Variants in ANKMY1 observed in about 807,000 individuals in gnomAD.
ANKMY1 encodes the protein ankyrin repeat and MYND domain containing 1.
ANKMY1 carries 98 observed loss-of-function variants against 102.0 expected under a neutral mutation model. The ratio of observed to expected loss-of-function variants is 0.96; its 90% CI spans 0.82 to 1.14. ANKMY1 has a LOEUF of 1.14. Among genes scored for constraint, ANKMY1 ranks in the 50% most tolerant of loss-of-function variants. The probability of loss-of-function intolerance (pLI) is 0.00; values close to 1 mark genes in which losing one functional copy is unlikely to be tolerated. For missense variants in ANKMY1, 1,330 were observed against 1,347.6 expected (o/e 0.99, Z 0.20); for synonymous variants, 582 against 559.9 (o/e 1.04, Z -0.56).
At position 240,557,809 on chromosome 2, in the gene ANKMY1, G is replaced by A. The variant is rs934346769; in HGVS notation, c.-18+72C>T. ...GGGACCGCGAGCCTGGCGCCCCCCC[G>A]CACCCGCCGCCCCACGGAGCTCCGG... On this transcript the variant is annotated intron_variant, in intron 1 of 17. Coordinates refer to ENST00000401804, the MANE Select transcript of ANKMY1 (RefSeq NM_001282771.3). 1.5e-5 allele frequency: 14 copies of A among 918,178 alleles called. No individual in the cohort carries two copies. The South Asian group carries it at 5.6e-4, about 36-fold the overall frequency. 56.9% of individuals were successfully genotyped at this position (918,178 alleles called of 1,614,324 possible).
chr2:240,524,311 T>C lies in ANKMY1; in HGVS notation c.1406A>G (p.Tyr469Cys). 6.2e-7 allele frequency: 1 copy of C among 1,613,720 alleles called. No homozygotes were observed. ...SFMDTNLESL[Y>C]YEVNVPSQGS... ...CTGGGAAGGCACGTTCACCTCATAG[T>C]ACAGAGACTCCAGGTTTGTGTCCAT... The change falls in exon 8 of 18, where the codon TAC becomes TGC. Residue 469 changes from tyrosine to cysteine, a missense_variant. Coordinates refer to ENST00000401804, the MANE Select transcript of ANKMY1 (RefSeq NM_001282771.3).
At position 240,499,860 on chromosome 2, in the gene ANKMY1, A is replaced by G; in HGVS notation, c.2806+98T>C. Reference sequence around the variant, plus strand: ...GCCCAGCCCCAGGAAGGCCCCTCCAAGAGCCCCAGGGGGTCCAGATCTCCA... The same window carrying G: ...GCCCAGCCCCAGGAAGGCCCCTCCAGGAGCCCCAGGGGGTCCAGATCTCCA... On this transcript the variant is annotated intron_variant, in intron 15 of 17. Transcript: ENST00000401804. The surrounding 1 kb of genome is among the most constrained non-coding windows in gnomAD (Gnocchi z 4.2). 5 of 1,424,542 alleles carry G rather than the reference A, an allele frequency of 3.5e-6. No homozygotes were observed. The South Asian group carries it at 6.0e-5, about 17-fold the overall frequency. The allele number at this position is 1,424,542 out of a possible 1,614,324, so 88.2% of individuals were successfully genotyped here.
At position 240,553,011 on chromosome 2, in the gene ANKMY1, G is replaced by A. The variant is rs1185804553; in HGVS notation, c.383C>T (p.Thr128Ile). The A allele has an allele frequency of 1.9e-6, 3 of 1,614,006 alleles. No individual in the cohort carries two copies. The highest frequency in any genetic ancestry group is 2.5e-6 in the Non-Finnish European group (3 of 1,179,992). ...ACTGGAGCCATCTGGCCACATGTAG[G>A]TACCCAGGCCATGGCAGTGGTCCCG... ...FYRDHCHGLG[T>I]YMWPDGSSFT... is the part of the protein sequence containing the mutation. Residue 128 changes from threonine (T) to isoleucine (I), a missense_variant, in exon 4 of 18, where the codon ACC (threonine) becomes ATC (isoleucine). By Grantham distance (89) the Thr-to-Ile change is moderately conservative. Coordinates refer to ENST00000401804, the MANE Select transcript of ANKMY1 (RefSeq NM_001282771.3).
intron 6 of ANKMY1, 74 bp from the exon 7 acceptor site, chr2:240,525,923 G>A: frequency 6.5e-7 from 1 of 1,545,476 alleles, no homozygotes; most frequent in Non-Finnish European, 8.8e-7. Context: ...TGGGTGTCCT[G>A]ATGCCCTCAT....
At chr2:240,498,774 C>T (rs1411630359) in intron 15 of ANKMY1, among the ~76,000 whole-genome samples, 1 of 152,004 alleles carries the variant, frequency 6.6e-6, no homozygotes, top group Admixed American at 6.5e-5. Context: ...TAGTGCCATC[C>T]CCTTGGGGAC....
chr2:240,555,302 C>G (rs932271129), intron 2 of ANKMY1: 2 of 535,070 alleles, frequency 3.7e-6, no homozygotes, highest in African/African-American at 1.9e-5. Flanking sequence ...TGCTGCCAGG[C>G]TCTAGAGGCA....
At chr2:240,511,662 G>A (rs892466139) in intron 11 of ANKMY1, among the ~76,000 whole-genome samples, 199 bp downstream of exon 11, 1 of 152,250 alleles carries the variant, frequency 6.6e-6, no homozygotes, top group African/African-American at 2.4e-5. Context: ...CAGGCCCCGT[G>A]CGCAGGCGTG....
rs1258300109 is a variant in ANKMY1, at chr2:240,501,206, G to A, written c.2527-641C>T. Among the ~76,000 whole-genome samples, 4 of 151,326 alleles carry A rather than the reference G, an allele frequency of 2.6e-5. No homozygotes were observed. In the East Asian group the frequency reaches 5.8e-4, roughly 22 times the overall value. ...GTGGGTAGGTGTGCAGTATGTGTGC[G>A]TGCATGCGTGTCTGTGCATGAGTGG... On this transcript the variant is annotated intron_variant, in intron 13 of 17. Coordinates refer to ENST00000401804, the MANE Select transcript of ANKMY1 (RefSeq NM_001282771.3).
At chr2:240,491,212 A>C (rs1232540212) in intron 15 of ANKMY1, among the ~76,000 whole-genome samples, 2 of 144,184 alleles carry the variant, frequency 1.4e-5, no homozygotes, top group Non-Finnish European at 3.0e-5. Context: ...TCATCCCTTT[A>C]TTTCAGTCTA....
the ANKMY1 span, among the ~76,000 whole-genome samples, chr2:240,473,123 T>TAAAAAA: frequency 5.5e-5 from 6 of 108,472 alleles, no homozygotes; most frequent in African/African-American, 2.4e-4. Context: ...AAACTCTGTC[T>TAAAAAA]AAAAAAAAAA....
intron 2 of ANKMY1, 182 bp from the exon 3 acceptor site, chr2:240,555,237 C>T (rs1464182054): frequency 3.1e-6 from 2 of 639,100 alleles, no homozygotes; most frequent in East Asian, 5.5e-5. Flanking sequence ...CAGCGATTGC[C>T]CAAGGCCACA....
intron 8 of ANKMY1, 75 bp downstream of exon 8, chr2:240,523,810 G>C: frequency 6.5e-7 from 1 of 1,547,376 alleles, no homozygotes; most frequent in Non-Finnish European, 8.7e-7. Context: ...ACAGGGAAGA[G>C]ACGTGGGTCT....
chr2:240,508,356 T>C (rs940337690), intron 12 of ANKMY1, among the ~76,000 whole-genome samples: 6 of 152,252 alleles, frequency 3.9e-5, no homozygotes, highest in African/African-American at 1.4e-4. Flanking sequence ...ACTTATTGAA[T>C]GGATGACTCC....
intron 15 of ANKMY1, among the ~76,000 whole-genome samples, chr2:240,489,996 C>T (rs1035727390): frequency 6.6e-6 from 1 of 151,902 alleles, no homozygotes; most frequent in Non-Finnish European, 1.5e-5. Context: ...TTGGTAGACT[C>T]GATGTTTCTA....
intron 2 of ANKMY1, 117 bp downstream of exon 2, chr2:240,557,073 T>C: frequency 8.6e-7 from 1 of 1,161,984 alleles, no homozygotes; most frequent in Non-Finnish European, 1.1e-6. Flanking sequence ...CTCCAGAAAC[T>C]AGTTTCTCAG....
In ANKMY1 at chr2:240,532,916, C is replaced by T. The variant is rs116130330; in HGVS notation, c.481-3407G>A. On this transcript the variant is annotated intron_variant, in intron 4 of 17. Coordinates refer to ENST00000401804, the MANE Select transcript of ANKMY1 (RefSeq NM_001282771.3). ...GTAGAGATGAGGTCTCACTATTGCT[C>T]AGGCTGGTCTTGAACCCCTGGCCTC... Among the ~76,000 whole-genome samples the T allele has an allele frequency of 9.2e-3, 1,403 of 152,330 alleles. 8 individuals carry two copies. The highest frequency in any genetic ancestry group is 0.016 in the Non-Finnish European group (1,090 of 68,034).
chr2:240,550,083 A>G (rs1217104000), intron 4 of ANKMY1, among the ~76,000 whole-genome samples: 1 of 151,910 alleles, frequency 6.6e-6, no homozygotes, highest in Non-Finnish European at 1.5e-5. Context: ...TTATTGTGGC[A>G]TTATTCACAA....
At chr2:240,505,339 G>C (rs2078890798) in intron 13 of ANKMY1, among the ~76,000 whole-genome samples, 1 of 151,870 alleles carries the variant, frequency 6.6e-6, no homozygotes, top group Admixed American at 6.6e-5. Flanking sequence ...GCGCACACCT[G>C]TAATCCCAGC....
chr2:240,530,387 C>A (rs1051359654), intron 4 of ANKMY1, among the ~76,000 whole-genome samples: 1 of 152,184 alleles, frequency 6.6e-6, no homozygotes, highest in Admixed American at 6.5e-5. Flanking sequence ...CGGTTCAGCA[C>A]CGTGCCCTTG....
Sources: allele counts gnomAD v4.1 joint callset (sites outside exome capture counted in the v4.1 genomes callset), GRCh38; gene constraint gnomAD v4.1.1; non-coding constraint Gnocchi (gnomAD v3.1); transcripts MANE v1.5; gene names NCBI Gene and HGNC (gene_info 2026-07-23, HGNC 2026-07-21).